CDH10: variants seen among roughly 807,000 people sequenced by gnomAD.
CDH10 encodes cadherin 10, also known as cadherin-10.
Under a neutral mutation model 73.1 loss-of-function variants are expected in CDH10, and 30 were observed. The ratio of observed to expected loss-of-function variants is 0.41; its 90% CI spans 0.31 to 0.56. The LOEUF (loss-of-function observed/expected upper bound fraction) is 0.56. Ranked by LOEUF, CDH10 falls within the 20% of genes least tolerant of loss-of-function variation. The probability of loss-of-function intolerance (pLI) is 0.27; values close to 1 mark genes in which losing one functional copy is unlikely to be tolerated. For missense variants in CDH10, 815 were observed against 973.7 expected (o/e 0.84, Z 2.17); for synonymous variants, 345 against 348.2 (o/e 0.99, Z 0.10).
chr5:24,642,642 C>G (rs1693713492), intron 1 of CDH10, among the ~76,000 whole-genome samples: 1 of 152,046 alleles, frequency 6.6e-6, no homozygotes, highest in Admixed American at 6.6e-5. Context: ...TAGCACTGTT[C>G]TAATTAATAA....
intron 2 of CDH10, among the ~76,000 whole-genome samples, chr5:24,581,433 T>C (rs1468744664): frequency 6.6e-6 from 1 of 152,216 alleles, no homozygotes; most frequent in East Asian, 1.9e-4. Context: ...CTTATCTTGC[T>C]ACATCTCTTC....
intron 2 of CDH10, among the ~76,000 whole-genome samples, chr5:24,575,198 C>T (rs1745550957): frequency 3.3e-5 from 5 of 151,824 alleles, no homozygotes; most frequent in Admixed American, 2.6e-4. Flanking sequence ...CCCCTCTCTC[C>T]TAAAAATATA....
chr5:24,602,939 T>C (rs943547713), intron 1 of CDH10, among the ~76,000 whole-genome samples: 1 of 152,178 alleles, frequency 6.6e-6, no homozygotes, highest in African/African-American at 2.4e-5. Flanking sequence ...ACATTCGCTA[T>C]CCTGATTTCT....
In CDH10 at chr5:24,487,389, T is replaced by G; in HGVS notation, c.*274A>C. ...GTTGCTTAAGGGAGAACTATCCTGT[T>G]CATGTTTCTGAAATTATCTTTTATT... On this transcript the variant is annotated 3_prime_UTR_variant, in exon 12 of 12. Transcript: ENST00000264463. The G allele has an allele frequency of 2.9e-6, 1 of 347,328 alleles. No homozygotes were observed. Among genetic ancestry groups the G allele is most frequent in the Non-Finnish European group, 5.3e-6 (1 of 189,108 alleles). The allele number at this position is 347,328 out of a possible 1,614,324, so 21.5% of individuals were successfully genotyped here.
intron 2 of CDH10, among the ~76,000 whole-genome samples, chr5:24,560,916 T>G (rs1744937512): frequency 6.6e-6 from 1 of 152,128 alleles, no homozygotes; most frequent in Admixed American, 6.6e-5. Context: ...ATTTCCTGAT[T>G]ATATAATACT....
intron 2 of CDH10, among the ~76,000 whole-genome samples, chr5:24,537,984 T>C (rs749022716): frequency 3.3e-5 from 5 of 152,112 alleles, no homozygotes; most frequent in African/African-American, 1.2e-4. Flanking sequence ...ATATAAGATA[T>C]CAGTCTTGAT....
At chr5:24,644,189 T>C (rs555767377) in intron 1 of CDH10, among the ~76,000 whole-genome samples, 1 of 152,154 alleles carries the variant, frequency 6.6e-6, no homozygotes, top group Admixed American at 6.6e-5. Flanking sequence ...TGCAAAGTAA[T>C]GTTAGATGAT....
intron 1 of CDH10, among the ~76,000 whole-genome samples, chr5:24,604,514 A>G (rs540255085): frequency 6.6e-6 from 1 of 152,314 alleles, no homozygotes; most frequent in East Asian, 1.9e-4. Context: ...AAAAACTGAC[A>G]AATTGCATTT....
At chr5:24,555,410 C>A (rs981920835) in intron 2 of CDH10, among the ~76,000 whole-genome samples, 1 of 152,120 alleles carries the variant, frequency 6.6e-6, no homozygotes, top group African/African-American at 2.4e-5. Context: ...TCTGGTTTAT[C>A]ACACTTCCAT....
chr5:24,610,132 G>A (rs544261559), intron 1 of CDH10, among the ~76,000 whole-genome samples: 1 of 152,300 alleles, frequency 6.6e-6, no homozygotes, highest in African/African-American at 2.4e-5. Flanking sequence ...ATTTTATCCT[G>A]AGACAGTTCT....
chr5:24,613,840 T>C (rs983025515), intron 1 of CDH10, among the ~76,000 whole-genome samples: 1 of 152,196 alleles, frequency 6.6e-6, no homozygotes. Context: ...AAACACCTTC[T>C]ATATTTCTAT....
chr5:24,575,877 A>G (rs1389391859), intron 2 of CDH10, among the ~76,000 whole-genome samples: 1 of 152,136 alleles, frequency 6.6e-6, no homozygotes, highest in Non-Finnish European at 1.5e-5. Context: ...TATATTTTAT[A>G]AATAGCACTT....
chr5:24,487,720 A>G lies in CDH10; in HGVS notation c.2310T>C (p.Pro770=), dbSNP rs759311134. Reference sequence around the variant, plus strand: ...ACATTTCTGCTAGCTTATTAAACCGAGGGCCCCATTCTCGGAGGTAATCGT... The same window carrying G: ...ACATTTCTGCTAGCTTATTAAACCGGGGGCCCCATTCTCGGAGGTAATCGT... ...QNYDYLREWG[P]RFNKLAEMYG... Residue 770 remains proline, a synonymous_variant, in exon 12 of 12, where the codon CCT becomes CCC. Coordinates refer to ENST00000264463, the MANE Select transcript of CDH10 (RefSeq NM_006727.5). 1 of 1,611,346 alleles carries G rather than the reference A, an allele frequency of 6.2e-7. No individual in the cohort carries two copies. Among genetic ancestry groups the G allele is most frequent in the African/African-American group, 1.3e-5 (1 of 74,148 alleles).
At chr5:24,612,767 C>T (rs955400785) in intron 1 of CDH10, 2 of 152,056 alleles carry the variant, frequency 1.3e-5, no homozygotes, top group Admixed American at 1.3e-4. Context: ...CTGGTGTGCT[C>T]CTATTTAATC....
chr5:24,582,636 A>T (rs1745843403), intron 2 of CDH10, among the ~76,000 whole-genome samples: 1 of 152,212 alleles, frequency 6.6e-6, no homozygotes, highest in Admixed American at 6.5e-5. Flanking sequence ...TATTTAAAAA[A>T]TTTTTAAAAC....
chr5:24,595,348 T>C (rs2112099626), intron 1 of CDH10, among the ~76,000 whole-genome samples: 1 of 152,080 alleles, frequency 6.6e-6, no homozygotes, highest in East Asian at 1.9e-4. Context: ...TAAAAGTTAA[T>C]ATAAATGTTT....
intron 1 of CDH10, among the ~76,000 whole-genome samples, chr5:24,601,020 C>A (rs1746544466): frequency 6.6e-6 from 1 of 151,538 alleles, no homozygotes; most frequent in Non-Finnish European, 1.5e-5. Flanking sequence ...AAAGAAAATA[C>A]ATTTTACAAC....
chr5:24,573,412 C>A (rs542527640), intron 2 of CDH10, among the ~76,000 whole-genome samples: 1 of 152,018 alleles, frequency 6.6e-6, no homozygotes, highest in South Asian at 2.1e-4. Flanking sequence ...AGTTTAAAGA[C>A]AAAAGCAGGC....
intron 1 of CDH10, among the ~76,000 whole-genome samples, chr5:24,604,329 G>A (rs567847045): frequency 9.2e-5 from 14 of 151,986 alleles, no homozygotes; most frequent in Non-Finnish European, 1.5e-4. Flanking sequence ...CCTGGGTGAC[G>A]AAGCAAAATT....
Sources: allele counts gnomAD v4.1 joint callset (sites outside exome capture counted in the v4.1 genomes callset), GRCh38; gene constraint gnomAD v4.1.1; transcripts MANE v1.5; gene names NCBI Gene and HGNC (gene_info 2026-07-23, HGNC 2026-07-21).